The following PSD3 variants were observed in gnomAD, a reference collection of about 807,000 sequenced individuals.
The protein encoded by PSD3 is pleckstrin and Sec7 domain containing 3.
PSD3 carries 49 observed loss-of-function variants against 105.5 expected under a neutral mutation model. That is an observed-to-expected ratio of 0.46 (90% CI 0.37 to 0.59). The LOEUF is 0.59. PSD3 is among the 20% of genes least tolerant of loss of function. The probability of loss-of-function intolerance (pLI) is 0.00; values close to 1 mark genes in which losing one functional copy is unlikely to be tolerated. For missense variants in PSD3, 1,561 were observed against 1,263.8 expected (o/e 1.24, Z -3.57); for synonymous variants, 557 against 457.8 (o/e 1.22, Z -2.77).
chr8:18,687,518 A>G (rs1476792033), intron 9 of PSD3, among the ~76,000 whole-genome samples: 5 of 152,062 alleles, frequency 3.3e-5, no homozygotes, highest in African/African-American at 1.2e-4. Flanking sequence ...GAATACAATA[A>G]ATACGAAATG....
At chr8:18,814,213 A>G (rs778445379) in intron 4 of PSD3, among the ~76,000 whole-genome samples, 1 of 152,206 alleles carries the variant, frequency 6.6e-6, no homozygotes, top group Non-Finnish European at 1.5e-5. Flanking sequence ...ACCAATAAAA[A>G]ATTTTAGTAA....
chr8:18,682,447 A>G (rs982927146), intron 9 of PSD3, among the ~76,000 whole-genome samples: 2 of 152,232 alleles, frequency 1.3e-5, no homozygotes, highest in African/African-American at 2.4e-5. Context: ...TCCTGACACC[A>G]CAGGTGGTCT....
rs533549846 is a variant in PSD3 at position 18,767,710 on chromosome 8, G to A, written c.2083-2172C>T. Among the ~76,000 whole-genome samples the A allele has an allele frequency of 2.0e-5, 3 of 152,160 alleles. No homozygotes were observed. The East Asian group carries it at 5.8e-4, about 29-fold the overall frequency. On this transcript the variant is annotated intron_variant, in intron 8 of 15. Coordinates refer to ENST00000327040, the MANE Select transcript of PSD3 (RefSeq NM_015310.4). ...TGCAGTGAGCAGAGATCGTGCCACT[G>A]CACTCCAGCCTGGGAAACAAGAGCA...
At chr8:18,949,635 T>C (rs994336091) in intron 1 of PSD3, among the ~76,000 whole-genome samples, 2 of 152,094 alleles carry the variant, frequency 1.3e-5, no homozygotes, top group African/African-American at 4.8e-5. Context: ...GTTCTGTGTA[T>C]AGGACATAAA....
At chr8:19,066,438 G>C (rs1829077644) in intron 1 of PSD3, among the ~76,000 whole-genome samples, 1 of 152,182 alleles carries the variant, frequency 6.6e-6, no homozygotes, top group African/African-American at 2.4e-5. Context: ...CTATCTTAGG[G>C]AGCAGAGGGT....
At chr8:18,620,554 A>G (rs1354721362) in intron 11 of PSD3, among the ~76,000 whole-genome samples, 1 of 152,028 alleles carries the variant, frequency 6.6e-6, no homozygotes, top group Non-Finnish European at 1.5e-5. Context: ...TATAAAAAAT[A>G]AAAAATTAGT....
At chr8:18,580,787 A>C (rs575741020) in intron 12 of PSD3, among the ~76,000 whole-genome samples, 5 of 152,146 alleles carry the variant, frequency 3.3e-5, no homozygotes. Flanking sequence ...TGCTTTCTAG[A>C]CCCTAAAGAT....
At chr8:18,728,511 G>T in intron 9 of PSD3, among the ~76,000 whole-genome samples, 1 of 152,294 alleles carries the variant, frequency 6.6e-6, no homozygotes, top group East Asian at 1.9e-4. Context: ...TCAGGCAGAG[G>T]AAACAGCATG....
chr8:18,550,498 T>A lies in PSD3; in HGVS notation c.2928+5711A>T, dbSNP rs564786560. Among the ~76,000 whole-genome samples the A allele has an allele frequency of 4.6e-5, 7 of 152,360 alleles. No homozygotes were observed. The South Asian group carries it at 8.3e-4, about 18-fold the overall frequency. ...ACTTGCAATAGGGTTATATCCCAGA[T>A]AAACCCATTCTAAGTTGAAAATATC... On this transcript the variant is annotated intron_variant, in intron 15 of 15. Transcript: ENST00000327040.
At chr8:18,930,761 G>T (rs1469096173) in intron 2 of PSD3, among the ~76,000 whole-genome samples, 1 of 151,808 alleles carries the variant, frequency 6.6e-6, no homozygotes, top group Non-Finnish European at 1.5e-5. Context: ...GTAGAGACGG[G>T]GTTTCACCAT....
chr8:18,589,545 G>T (rs1261752776), intron 12 of PSD3, among the ~76,000 whole-genome samples: 1 of 152,044 alleles, frequency 6.6e-6, no homozygotes, highest in Non-Finnish European at 1.5e-5. Flanking sequence ...TTCCTAATTT[G>T]GACACTTGAA....
At chr8:19,069,791 G>T (rs1829193138) in intron 1 of PSD3, among the ~76,000 whole-genome samples, 1 of 152,090 alleles carries the variant, frequency 6.6e-6, no homozygotes, top group Admixed American at 6.6e-5. Flanking sequence ...TCTAAACTAA[G>T]GTTGTCAGAT....
At chr8:18,785,960 G>A (rs940190154) in intron 8 of PSD3, among the ~76,000 whole-genome samples, 1 of 152,190 alleles carries the variant, frequency 6.6e-6, no homozygotes, top group African/African-American at 2.4e-5. Context: ...CTCGCTTGAC[G>A]CAGGGTTCCA....
At chr8:18,734,394 T>C (rs1458036472) in intron 9 of PSD3, 1 of 152,212 alleles carries the variant, frequency 6.6e-6, no homozygotes, top group Non-Finnish European at 1.5e-5. Flanking sequence ...AGATTAAGAC[T>C]CCCAAGTAAA....
At chr8:18,644,674 C>A (rs1418888513) in intron 10 of PSD3, among the ~76,000 whole-genome samples, 1 of 152,166 alleles carries the variant, frequency 6.6e-6, no homozygotes, top group African/African-American at 2.4e-5. Flanking sequence ...TTGCAGCAGT[C>A]TAGGCTTTTT....
chr8:19,036,619 T>A (rs962738610), intron 1 of PSD3, among the ~76,000 whole-genome samples: 4 of 152,210 alleles, frequency 2.6e-5, no homozygotes. Flanking sequence ...TGGGCTGGAC[T>A]CCATCTGGAT....
chr8:18,926,947 G>T (rs1821404579), intron 2 of PSD3, among the ~76,000 whole-genome samples: 1 of 151,614 alleles, frequency 6.6e-6, no homozygotes, highest in African/African-American at 2.4e-5. Context: ...TTTTATTTGT[G>T]CTTCTGAAAG....
At position 18,777,006 on chromosome 8, in the gene PSD3, T is replaced by G. The variant is rs925373428; in HGVS notation, c.2083-11468A>C. ...TTTTTGTTTCTGATTTTATTGATTT[T>G]GGTCTTTTTTCTTAGACTAGCAAAA... On this transcript the variant is annotated intron_variant, in intron 8 of 15. Transcript: ENST00000327040. Among the ~76,000 whole-genome samples the G allele has an allele frequency of 3.9e-5, 6 of 152,132 alleles. No homozygotes were observed. The East Asian group carries it at 7.7e-4, about 20-fold the overall frequency.
At chr8:18,640,931 G>A (rs1330728431) in intron 10 of PSD3, among the ~76,000 whole-genome samples, 1 of 152,156 alleles carries the variant, frequency 6.6e-6, no homozygotes, top group African/African-American at 2.4e-5. Flanking sequence ...GCTCACCTCT[G>A]CTCCTTTAGT....
Sources: allele counts gnomAD v4.1 joint callset (sites outside exome capture counted in the v4.1 genomes callset), GRCh38; gene constraint gnomAD v4.1.1; transcripts MANE v1.5; gene names NCBI Gene and HGNC (gene_info 2026-07-23, HGNC 2026-07-21).